The following PARD3 variants were observed in gnomAD, a reference collection of about 807,000 sequenced individuals.
PARD3 encodes partitioning defective 3 homolog.
Under a neutral mutation model 155.4 loss-of-function variants are expected in PARD3, and 75 were observed. That is an observed-to-expected ratio of 0.48 (90% CI 0.40 to 0.58). The LOEUF is 0.58. PARD3 is among the 20% of genes least tolerant of loss of function. PARD3 has a pLI of 0.00. For missense variants in PARD3, 1,642 were observed against 1,721.7 expected (o/e 0.95, Z 0.82); for synonymous variants, 576 against 610.5 (o/e 0.94, Z 0.83).
chr10:34,766,793 A>C (rs1176825499), intron 1 of PARD3, among the ~76,000 whole-genome samples: 1 of 152,184 alleles, frequency 6.6e-6, no homozygotes, highest in African/African-American at 2.4e-5. Context: ...ATTACAACGC[A>C]GGAACGTGGT....
chr10:34,414,380 G>C (rs543268215), intron 5 of PARD3, among the ~76,000 whole-genome samples: 1 of 152,218 alleles, frequency 6.6e-6, no homozygotes, highest in East Asian at 1.9e-4. Flanking sequence ...CCATGACATT[G>C]CTAGCCATAA....
At chr10:34,619,058 T>C (rs1277728928) in intron 2 of PARD3, among the ~76,000 whole-genome samples, 4 of 138,378 alleles carry the variant, frequency 2.9e-5, no homozygotes, top group Non-Finnish European at 4.6e-5. Flanking sequence ...TTTTTTTTTC[T>C]TTTTTTTTTT....
In PARD3 at chr10:34,353,162, T is replaced by A. The variant is rs542615116; in HGVS notation, c.2068-5047A>T. On this transcript the variant is annotated intron_variant, in intron 14 of 24. Transcript: ENST00000374788. Reference sequence around the variant, plus strand: ...AGCCCCCGCCCGGCCAGCCGCCCCGTCCGGGAGGGAGGTGGGGGGCGCGTC... The same window carrying A: ...AGCCCCCGCCCGGCCAGCCGCCCCGACCGGGAGGGAGGTGGGGGGCGCGTC... 6.5e-4 allele frequency among the ~76,000 whole-genome samples: 99 copies of A among 151,662 alleles called. No homozygotes were observed. In the South Asian group the frequency reaches 0.02, roughly 30 times the overall value.
intron 22 of PARD3, among the ~76,000 whole-genome samples, chr10:34,240,148 G>C (rs932245886): frequency 2.0e-5 from 3 of 152,186 alleles, no homozygotes; most frequent in Non-Finnish European, 4.4e-5. Flanking sequence ...TAGAGGTTAA[G>C]CAACTTGATC....
intron 2 of PARD3, among the ~76,000 whole-genome samples, chr10:34,651,632 G>A (rs553339322): frequency 1.4e-3 from 215 of 152,304 alleles, no homozygotes; most frequent in Middle Eastern, 6.8e-3. Flanking sequence ...GGCCATGCTG[G>A]TTGTTTTTTT....
chr10:34,611,932 C>CG (rs1394412914), intron 2 of PARD3, among the ~76,000 whole-genome samples: 1 of 136,540 alleles, frequency 7.3e-6, no homozygotes, highest in Admixed American at 7.4e-5. Flanking sequence ...GCCTCAGCGC[C>CG]CCCCCTACCC....
intron 22 of PARD3, among the ~76,000 whole-genome samples, chr10:34,268,996 C>T (rs1356037181): frequency 6.6e-6 from 1 of 151,908 alleles, no homozygotes; most frequent in Non-Finnish European, 1.5e-5. Context: ...CTGAGGAATA[C>T]CCCAAATATC....
intron 15 of PARD3, chr10:34,344,938 T>G: frequency 1.0e-6 from 1 of 985,356 alleles, no homozygotes; most frequent in Non-Finnish European, 1.2e-6. Context: ...ACATATAAGG[T>G]AAGTTGGCTG....
chr10:34,370,361 C>G (rs941923349), intron 12 of PARD3, among the ~76,000 whole-genome samples: 1 of 152,158 alleles, frequency 6.6e-6, no homozygotes, highest in African/African-American at 2.4e-5. Context: ...TCAAAAGATG[C>G]TTCTTTCCCT....
At chr10:34,793,241 G>T (rs1275516845) in intron 1 of PARD3, among the ~76,000 whole-genome samples, 1 of 152,132 alleles carries the variant, frequency 6.6e-6, no homozygotes, top group Non-Finnish European at 1.5e-5. Context: ...GAAAAGGAGG[G>T]GCAGAGTATC....
At chr10:34,188,534 T>A (rs1455947766) in intron 22 of PARD3, among the ~76,000 whole-genome samples, 2 of 152,102 alleles carry the variant, frequency 1.3e-5, no homozygotes, top group Admixed American at 6.6e-5. Context: ...CAACGGTACA[T>A]GCACATACAA....
At chr10:34,671,008 C>T (rs1255889507) in intron 2 of PARD3, among the ~76,000 whole-genome samples, 3 of 152,182 alleles carry the variant, frequency 2.0e-5, no homozygotes, top group African/African-American at 4.8e-5. Flanking sequence ...CCAGAGTCAT[C>T]GGACAGAGGC....
At chr10:34,291,904 C>A in intron 20 of PARD3, among the ~76,000 whole-genome samples, 1 of 152,180 alleles carries the variant, frequency 6.6e-6, no homozygotes, top group East Asian at 1.9e-4. Flanking sequence ...ATGAGTAAAT[C>A]TTGCATTGCC....
At chr10:34,119,466 G>T in intron 24 of PARD3, 147 bp downstream of exon 24, 1 of 750,016 alleles carries the variant, frequency 1.3e-6, no homozygotes, top group Non-Finnish European at 2.0e-6. Context: ...CTAAGGAACA[G>T]TAGCCACGGG....
intron 22 of PARD3, among the ~76,000 whole-genome samples, chr10:34,168,494 A>G (rs574905628): frequency 2.0e-5 from 3 of 152,300 alleles, no homozygotes; most frequent in African/African-American, 7.2e-5. Context: ...ATCCAAGGCC[A>G]CACATTGCTA....
At chr10:34,397,640 A>G (rs1843463911) in intron 7 of PARD3, among the ~76,000 whole-genome samples, 1 of 152,154 alleles carries the variant, frequency 6.6e-6, no homozygotes, top group Admixed American at 6.5e-5. Flanking sequence ...TTATTTTTCC[A>G]TCTTACTCTC....
chr10:34,806,707 G>C (rs1049213864), intron 1 of PARD3, among the ~76,000 whole-genome samples: 1 of 152,158 alleles, frequency 6.6e-6, no homozygotes, highest in Admixed American at 6.5e-5. Context: ...TTTCAAAGTT[G>C]GGGGGGTCGG....
chr10:34,125,198 C>T (rs1947217489), intron 23 of PARD3, among the ~76,000 whole-genome samples: 1 of 151,982 alleles, frequency 6.6e-6, no homozygotes, highest in African/African-American at 2.4e-5. Context: ...TCCTGAGTAG[C>T]TGGGATTACA....
chr10:34,275,724 A>T (rs1050185103), intron 21 of PARD3, among the ~76,000 whole-genome samples: 2 of 152,110 alleles, frequency 1.3e-5, no homozygotes, highest in Non-Finnish European at 2.9e-5. Flanking sequence ...GTGTCCTCAT[A>T]AAAATAACAT....
Sources: allele counts gnomAD v4.1 joint callset (sites outside exome capture counted in the v4.1 genomes callset), GRCh38; gene constraint gnomAD v4.1.1; transcripts MANE v1.5; gene names NCBI Gene and HGNC (gene_info 2026-07-23, HGNC 2026-07-21).